The following SMARCA1 variants were observed in gnomAD, a reference collection of about 807,000 sequenced individuals.
The protein encoded by SMARCA1 is SNF2 related chromatin remodeling ATPase 1.
SMARCA1 carries 17 observed loss-of-function variants against 93.6 expected under a neutral mutation model. The observed-to-expected ratio is 0.18, with a 90% confidence interval of 0.12 to 0.27. SMARCA1 has a LOEUF of 0.27. SMARCA1 is among the 10% of genes least tolerant of loss of function. The pLI is 1.00. For synonymous variants in SMARCA1, 271 were observed against 271.4 expected (o/e 1.00, Z 0.01); for missense variants, 630 against 819.0 (o/e 0.77, Z 2.82).
chrX:129,480,886 T>A, intron 18 of SMARCA1, 72 bp from the exon 19 acceptor site: 1 of 688,518 alleles, frequency 1.5e-6, no homozygotes, highest in Non-Finnish European at 2.2e-6. Context: ...TCTTTTACTA[T>A]TTCTGTGATA....
In SMARCA1 at chrX:129,523,414, G is replaced by C; in HGVS notation, c.-44C>G. ...AGTAGGGGGACAAGGCAGGGGACGA[G>C]GGCTCCTGGGCGGCGGCAGTGGCTG... On this transcript the variant is annotated 5_prime_UTR_variant, in exon 1 of 25. Transcript: ENST00000371121. 2 of 1,067,707 alleles carry C rather than the reference G, an allele frequency of 1.9e-6. No homozygotes were observed. The highest frequency in any genetic ancestry group is 4.3e-5 in the South Asian group (2 of 46,174). 88.0% of individuals were successfully genotyped at this position (1,067,707 alleles called of 1,213,427 possible).
intron 23 of SMARCA1, among the ~76,000 whole-genome samples, chrX:129,459,500 AG>A (rs748728481): frequency 8.9e-6 from 1 of 112,903 alleles, no homozygotes; most frequent in Admixed American, 9.3e-5. Context: ...AACTCCTGTT[AG>A]TGCATTAATT....
Position 129,487,190 on chromosome X carries a change from G to A in SMARCA1, c.2098-53C>T, listed in dbSNP as rs180785407. 6.0e-5 allele frequency: 55 copies of A among 909,441 alleles called. 1 individual carries two copies. The East Asian group carries it at 1.8e-3, about 29-fold the overall frequency. 74.9% of individuals were successfully genotyped at this position (909,441 alleles called of 1,213,427 possible). A position where few individuals can be genotyped will look rare whatever the true frequency, so the allele number is the denominator to read the frequency against. ...AATTATCACTGAATTACTTGTAAAA[G>A]TCTGTGGATTCTCTACCTTTTTAAT... On this transcript the variant is annotated intron_variant, in intron 16 of 24. Coordinates refer to ENST00000371121, the MANE Select transcript of SMARCA1 (RefSeq NM_001282874.2).
At chrX:129,473,928 T>C (rs1415391089) in intron 19 of SMARCA1, among the ~76,000 whole-genome samples, 1 of 111,648 alleles carries the variant, frequency 9.0e-6, no homozygotes, top group African/African-American at 3.3e-5. Context: ...ACTTAAGGTT[T>C]ATATATTTCA....
chrX:129,465,056 T>TA (rs766675500), intron 23 of SMARCA1, among the ~76,000 whole-genome samples: 3 of 110,361 alleles, frequency 2.7e-5, no homozygotes, highest in East Asian at 2.8e-4. Context: ...TCATCAATTT[T>TA]AAAAAAAACA....
At chrX:129,509,627 T>C (rs752634676) in intron 6 of SMARCA1, among the ~76,000 whole-genome samples, 47 of 112,312 alleles carry the variant, frequency 4.2e-4, no homozygotes, top group Non-Finnish European at 7.9e-4. Flanking sequence ...TTGTAACTAT[T>C]GGATACATTT....
intron 6 of SMARCA1, among the ~76,000 whole-genome samples, chrX:129,510,468 C>T (rs1415570007): frequency 1.8e-5 from 2 of 111,715 alleles, no homozygotes; most frequent in Non-Finnish European, 3.8e-5. Context: ...CTCAGGAACC[C>T]GAGGTGAGAG....
At chrX:129,478,229 T>C (rs1279882473) in intron 19 of SMARCA1, among the ~76,000 whole-genome samples, 1 of 111,953 alleles carries the variant, frequency 8.9e-6, no homozygotes. Flanking sequence ...CTAATGCCTA[T>C]CTCCTCTATT....
Position 129,512,241 on chromosome X carries a change from C to G in SMARCA1, c.631-258G>C, listed in dbSNP as rs150030452. 8.8e-3 allele frequency among the ~76,000 whole-genome samples: 984 copies of G among 112,062 alleles called. 10 individuals carry two copies. The highest frequency in any genetic ancestry group is 0.031 in the African/African-American group (944 of 30,918). On this transcript the variant is annotated intron_variant, in intron 5 of 24. Coordinates refer to ENST00000371121, the MANE Select transcript of SMARCA1 (RefSeq NM_001282874.2). ...GAATGTTGCTCAACAAAGCAACTTT[C>G]TATTTAGAACATTTTCCTCCTAAAG... is the stretch of plus-strand genomic sequence containing the variant.
intron 1 of SMARCA1, 111 bp downstream of exon 1, chrX:129,523,086 C>G: frequency 1.1e-6 from 1 of 887,536 alleles, no homozygotes; most frequent in East Asian, 3.4e-5. Context: ...CCGCCCCTAG[C>G]CCCGCAAAGC....
intron 1 of SMARCA1, among the ~76,000 whole-genome samples, chrX:129,519,997 C>T (rs1935329787): frequency 2.7e-5 from 3 of 110,216 alleles, no homozygotes; most frequent in Middle Eastern, 4.7e-3. Flanking sequence ...GCTTACCTTG[C>T]GGTAGACTAC....
intron 15 of SMARCA1, among the ~76,000 whole-genome samples, chrX:129,489,321 CT>C (rs1333866488): frequency 8.9e-6 from 1 of 112,086 alleles, no homozygotes; most frequent in Non-Finnish European, 1.9e-5. Context: ...AGGACAGAAA[CT>C]TTTTTTCATG....
chrX:129,466,819 T>C (rs111646741), intron 21 of SMARCA1, among the ~76,000 whole-genome samples: 2,024 of 104,199 alleles, frequency 0.019, 48 homozygotes, highest in African/African-American at 0.07. Flanking sequence ...TAAACTTACT[T>C]GGAATACCCT....
At chrX:129,463,939 AAAAT>A (rs1327564964) in intron 23 of SMARCA1, among the ~76,000 whole-genome samples, 2 of 111,893 alleles carry the variant, frequency 1.8e-5, no homozygotes, top group East Asian at 2.8e-4. Flanking sequence ...ACTCCATCTC[AAAAT>A]AAATAAATAC....
chrX:129,450,259 G>A (rs1932223854), intron 23 of SMARCA1, among the ~76,000 whole-genome samples: 1 of 111,813 alleles, frequency 8.9e-6, no homozygotes, highest in South Asian at 3.8e-4. Context: ...TTCTCTGCAC[G>A]CACTCCAACA....
chrX:129,523,433 G>T lies in SMARCA1; in HGVS notation c.-63C>A. 1 of 980,226 alleles carries T rather than the reference G, an allele frequency of 1.0e-6. No homozygotes were observed. The highest frequency in any genetic ancestry group is 1.4e-6 in the Non-Finnish European group (1 of 725,370). 80.8% of individuals were successfully genotyped at this position (980,226 alleles called of 1,213,427 possible). On this transcript the variant is annotated 5_prime_UTR_variant, in exon 1 of 25. In the 5' UTR this introduces an upstream ATG that the reference lacks. Coordinates refer to ENST00000371121, the MANE Select transcript of SMARCA1 (RefSeq NM_001282874.2). ...GGACGAGGGCTCCTGGGCGGCGGCA[G>T]TGGCTGCACTGGAAAGAGCTAGATG...
chrX:129,486,181 A>G (rs1428456477), intron 17 of SMARCA1, among the ~76,000 whole-genome samples: 1 of 110,485 alleles, frequency 9.1e-6, no homozygotes, highest in Non-Finnish European at 1.9e-5. Context: ...GGGATACTAG[A>G]TTAGATCCCC....
Sources: gnomAD v4.1 joint callset for allele counts (sites outside exome capture counted in the v4.1 genomes callset) on GRCh38, gnomAD v4.1.1 for gene constraint, MANE v1.5 for transcripts, NCBI Gene and HGNC (gene_info 2026-07-23, HGNC 2026-07-21) for gene names.